The following SPIDR variants were observed in gnomAD, a reference collection of about 807,000 sequenced individuals.
SPIDR encodes DNA repair-scaffolding protein.
A neutral mutation model predicts 104.6 loss-of-function variants in SPIDR; 93 were observed. The ratio of observed to expected loss-of-function variants is 0.89; its 90% CI spans 0.75 to 1.06. SPIDR has a LOEUF of 1.06. Ranked by LOEUF, SPIDR falls within the 50% of genes least tolerant of loss-of-function variation. The pLI is 0.00. For synonymous variants in SPIDR, 431 were observed against 416.9 expected (o/e 1.03, Z -0.41); for missense variants, 1,154 against 1,111.2 (o/e 1.04, Z -0.55).
At chr8:47,581,064 C>T (rs2059649557) in intron 8 of SPIDR, among the ~76,000 whole-genome samples, 1 of 152,154 alleles carries the variant, frequency 6.6e-6, no homozygotes, top group Non-Finnish European at 1.5e-5. Flanking sequence ...GCCACCCAGC[C>T]AAAGCCCCTT....
intron 5 of SPIDR, among the ~76,000 whole-genome samples, chr8:47,335,239 C>T (rs1167850664): frequency 3.3e-5 from 5 of 152,050 alleles, no homozygotes; most frequent in South Asian, 2.1e-4. Context: ...ACTGAATTTC[C>T]GACCTATATT....
chr8:47,450,976 A>G (rs1554705587), intron 8 of SPIDR, among the ~76,000 whole-genome samples: 1 of 152,234 alleles, frequency 6.6e-6, no homozygotes. Flanking sequence ...TTTATAAAGT[A>G]CTACTCAAAT....
At chr8:47,399,436 G>C (rs1231973684) in intron 6 of SPIDR, among the ~76,000 whole-genome samples, 1 of 152,206 alleles carries the variant, frequency 6.6e-6, no homozygotes. Flanking sequence ...AGTTCTTTCC[G>C]ATCAATTCTA....
chr8:47,599,876 C>T (rs1193495396), intron 10 of SPIDR, among the ~76,000 whole-genome samples: 2 of 152,246 alleles, frequency 1.3e-5, no homozygotes, highest in East Asian at 1.9e-4. Flanking sequence ...AAGAGATTCT[C>T]GTGCCCAAGT....
At chr8:47,654,876 C>T (rs989058557) in intron 10 of SPIDR, among the ~76,000 whole-genome samples, 1 of 152,174 alleles carries the variant, frequency 6.6e-6, no homozygotes, top group East Asian at 1.9e-4. Flanking sequence ...TCCCTCCCCC[C>T]TCCTCCCACC....
At chr8:47,656,814 A>G (rs558529545) in intron 10 of SPIDR, among the ~76,000 whole-genome samples, 5 of 152,388 alleles carry the variant, frequency 3.3e-5, no homozygotes, top group African/African-American at 1.2e-4. Flanking sequence ...GTAATGGAAT[A>G]TCATTCAGCA....
chr8:47,477,317 C>G (rs2076402682), intron 8 of SPIDR, among the ~76,000 whole-genome samples: 1 of 152,100 alleles, frequency 6.6e-6, no homozygotes, highest in South Asian at 2.1e-4. Flanking sequence ...CTTCCTCAGC[C>G]CCCTGAGTAA....
chr8:47,465,461 C>T (rs1423569821), intron 8 of SPIDR, among the ~76,000 whole-genome samples: 3 of 152,198 alleles, frequency 2.0e-5, no homozygotes, highest in East Asian at 1.9e-4. Context: ...CGGCTGGGCA[C>T]GTGGCTCAAG....
At chr8:47,293,077 A>C (rs377737107) in intron 4 of SPIDR, among the ~76,000 whole-genome samples, 3 of 151,864 alleles carry the variant, frequency 2.0e-5, no homozygotes, top group African/African-American at 7.3e-5. Context: ...CGTTGCCATT[A>C]TGCATCTGCT....
chr8:47,496,567 G>A (rs756008989), intron 8 of SPIDR, among the ~76,000 whole-genome samples: 3 of 151,964 alleles, frequency 2.0e-5, no homozygotes, highest in Non-Finnish European at 2.9e-5. Flanking sequence ...TATATAATCC[G>A]TTTTATGTGT....
Position 47,407,859 on chromosome 8 carries a change from A to T in SPIDR, c.777-2A>T. ...CTTAATACATTATAATTCATTAAAC[A>T]GAGGTGGACTAGCAGAAAGACTAAA... On this transcript the variant is annotated splice_acceptor_variant, in intron 6 of 19. Transcript: ENST00000297423. LOFTEE classifies it high-confidence loss of function. 1 of 1,572,426 alleles carries T rather than the reference A, an allele frequency of 6.4e-7. No individual in the cohort carries two copies. Among genetic ancestry groups the T allele is most frequent in the Non-Finnish European group, 8.7e-7 (1 of 1,149,358 alleles).
intron 5 of SPIDR, among the ~76,000 whole-genome samples, chr8:47,334,946 A>G (rs2049417369): frequency 6.6e-6 from 1 of 152,182 alleles, no homozygotes; most frequent in Admixed American, 6.5e-5. Flanking sequence ...TTTGCAGTAT[A>G]CATTTACAAC....
At chr8:47,575,850 C>G (rs1213514086) in intron 8 of SPIDR, among the ~76,000 whole-genome samples, 1 of 150,358 alleles carries the variant, frequency 6.7e-6, no homozygotes. Context: ...ATCCCAGCTA[C>G]TTAGGAGGCT....
intron 5 of SPIDR, among the ~76,000 whole-genome samples, chr8:47,363,317 T>G (rs925837968): frequency 3.5e-5 from 5 of 144,280 alleles, no homozygotes; most frequent in African/African-American, 1.3e-4. Flanking sequence ...ACCATTCTCC[T>G]GCCTCAGCCT....
chr8:47,403,467 G>C (rs1241542996), intron 6 of SPIDR, among the ~76,000 whole-genome samples: 2 of 152,194 alleles, frequency 1.3e-5, no homozygotes, highest in Non-Finnish European at 2.9e-5. Context: ...CATCGTCTCA[G>C]CCCAAAATCT....
chr8:47,713,183 G>GC (rs1563635887), intron 15 of SPIDR: 1 of 669,726 alleles, frequency 1.5e-6, no homozygotes, highest in East Asian at 3.0e-5. Flanking sequence ...AGATCAGCCA[G>GC]CCCCTTTTTC....
At chr8:47,517,049 A>G (rs1586993228) in intron 8 of SPIDR, among the ~76,000 whole-genome samples, 1 of 152,212 alleles carries the variant, frequency 6.6e-6, no homozygotes, top group Non-Finnish European at 1.5e-5. Flanking sequence ...CAGTGGCACG[A>G]TCTCGGCTCA....
intron 10 of SPIDR, among the ~76,000 whole-genome samples, chr8:47,641,316 T>C (rs1005049931): frequency 3.9e-5 from 6 of 152,148 alleles, no homozygotes; most frequent in Non-Finnish European, 8.8e-5. Flanking sequence ...TGAGCCACTG[T>C]GCCCAGCCAG....
intron 11 of SPIDR, among the ~76,000 whole-genome samples, chr8:47,696,343 T>C (rs921240810): frequency 5.3e-5 from 8 of 152,240 alleles, no homozygotes; most frequent in African/African-American, 1.9e-4. Flanking sequence ...TTTTTTTTCA[T>C]TCTAAGAAGT....
Sources: gnomAD v4.1 joint callset for allele counts (sites outside exome capture counted in the v4.1 genomes callset) on GRCh38, gnomAD v4.1.1 for gene constraint, MANE v1.5 for transcripts, NCBI Gene and HGNC (gene_info 2026-07-23, HGNC 2026-07-21) for gene names.